PALS2: variants seen among roughly 807,000 people sequenced by gnomAD.
PALS2 encodes the protein protein PALS2.
A neutral mutation model predicts 61.6 loss-of-function variants in PALS2; 27 were observed. That is an observed-to-expected ratio of 0.44 (90% CI 0.32 to 0.60). The LOEUF is 0.60. PALS2 is among the 20% of genes least tolerant of loss of function. The pLI is 0.05. For missense variants in PALS2, 554 were observed against 639.4 expected, an observed-to-expected ratio of 0.87 and a Z score of 1.44; for synonymous variants, 236 against 218.6, an observed-to-expected ratio of 1.08 and a Z score of -0.70.
chr7:24,673,522 C>A (rs1787407704), intron 9 of PALS2, among the ~76,000 whole-genome samples: 1 of 152,046 alleles, frequency 6.6e-6, no homozygotes, highest in African/African-American at 2.4e-5. Flanking sequence ...AGCCATTTGA[C>A]CCTGGGCTTT....
At chr7:24,653,813 C>T (rs969436906) in intron 5 of PALS2, among the ~76,000 whole-genome samples, 2 of 152,144 alleles carry the variant, frequency 1.3e-5, no homozygotes, top group African/African-American at 4.8e-5. Flanking sequence ...TCTCTAGCAG[C>T]GAACACTTTG....
chr7:24,679,488 A>T (rs563401430), intron 10 of PALS2, among the ~76,000 whole-genome samples, 155 bp downstream of exon 10: 1 of 152,192 alleles, frequency 6.6e-6, no homozygotes, highest in African/African-American at 2.4e-5. Context: ...GTTATTATGT[A>T]TACATAGCTA....
chr7:24,671,986 GTTCT>G (rs1787319868), intron 9 of PALS2, among the ~76,000 whole-genome samples: 1 of 151,286 alleles, frequency 6.6e-6, no homozygotes, highest in Non-Finnish European at 1.5e-5. Context: ...AACCCAACTT[GTTCT>G]TTCTTTTTCA....
chr7:24,681,979 T>A (rs1020084535), intron 11 of PALS2, among the ~76,000 whole-genome samples: 2 of 152,238 alleles, frequency 1.3e-5, no homozygotes, highest in African/African-American at 4.8e-5. Flanking sequence ...TTGGTTTTGA[T>A]TGAATGATTT....
intron 1 of PALS2, among the ~76,000 whole-genome samples, chr7:24,582,159 A>G (rs1160989447): frequency 1.3e-5 from 2 of 152,166 alleles, no homozygotes; most frequent in African/African-American, 2.4e-5. Flanking sequence ...GCAGTTTATC[A>G]TTTTGTTTTG....
At chr7:24,644,327 T>C (rs879007728) in intron 3 of PALS2, among the ~76,000 whole-genome samples, 1 of 152,090 alleles carries the variant, frequency 6.6e-6, no homozygotes, top group South Asian at 2.1e-4. Flanking sequence ...TCTTACCATT[T>C]AGCTCCCACT....
At chr7:24,575,278 C>G (rs995570032) in intron 1 of PALS2, among the ~76,000 whole-genome samples, 1 of 152,064 alleles carries the variant, frequency 6.6e-6, no homozygotes, top group Non-Finnish European at 1.5e-5. Context: ...ATTTTGCATT[C>G]TAGGTTAAAT....
chr7:24,645,236 G>A (rs1423604838), intron 3 of PALS2, among the ~76,000 whole-genome samples: 2 of 151,912 alleles, frequency 1.3e-5, no homozygotes, highest in Non-Finnish European at 2.9e-5. Flanking sequence ...TATTGCGCAG[G>A]TTGTCTTCTG....
intron 8 of PALS2, 132 bp downstream of exon 8, chr7:24,666,221 T>C: frequency 1.4e-6 from 1 of 705,468 alleles, no homozygotes; most frequent in Admixed American, 2.5e-5. Context: ...GGCTGACATA[T>C]GAACACATGG....
intron 1 of PALS2, among the ~76,000 whole-genome samples, chr7:24,603,126 C>T (rs1326698758): frequency 1.3e-5 from 2 of 152,176 alleles, no homozygotes; most frequent in Non-Finnish European, 2.9e-5. Flanking sequence ...AGTGAGCCAG[C>T]ACCTTGATCT....
At chr7:24,649,011 G>T (rs1785998449) in intron 3 of PALS2, among the ~76,000 whole-genome samples, 1 of 151,768 alleles carries the variant, frequency 6.6e-6, no homozygotes, top group Non-Finnish European at 1.5e-5. Flanking sequence ...GTTATATTCG[G>T]GACTATTACT....
chr7:24,646,899 A>G (rs1785860201), intron 3 of PALS2, among the ~76,000 whole-genome samples: 1 of 151,872 alleles, frequency 6.6e-6, no homozygotes, highest in South Asian at 2.1e-4. Flanking sequence ...TATGTCTAGG[A>G]ATTTATCTCT....
intron 3 of PALS2, among the ~76,000 whole-genome samples, chr7:24,646,481 C>G (rs1363692177): frequency 1.3e-5 from 2 of 152,026 alleles, no homozygotes; most frequent in Non-Finnish European, 2.9e-5. Context: ...TTGAACAGAC[C>G]TTGCATTCTG....
intron 1 of PALS2, among the ~76,000 whole-genome samples, chr7:24,594,452 C>T (rs1783422984): frequency 6.6e-6 from 1 of 152,132 alleles, no homozygotes; most frequent in Non-Finnish European, 1.5e-5. Flanking sequence ...CTTTCAACTT[C>T]CCTTCCTTAT....
intron 1 of PALS2, among the ~76,000 whole-genome samples, chr7:24,611,827 T>A (rs1015869879): frequency 5.9e-5 from 9 of 151,956 alleles, no homozygotes; most frequent in Admixed American, 2.6e-4. Flanking sequence ...TTTAAAGCTG[T>A]GGGAGTGGTG....
At chr7:24,619,034 C>T (rs2128055128) in intron 1 of PALS2, among the ~76,000 whole-genome samples, 1 of 152,332 alleles carries the variant, frequency 6.6e-6, no homozygotes. Flanking sequence ...TATTTACTGA[C>T]TTACTGATTG....
intron 9 of PALS2, among the ~76,000 whole-genome samples, chr7:24,669,281 C>T (rs1295283258): frequency 6.6e-6 from 1 of 152,192 alleles, no homozygotes; most frequent in East Asian, 1.9e-4. Context: ...TCTCTATTTG[C>T]ATATTTACAT....
chr7:24,615,891 T>C (rs1012960735), intron 1 of PALS2, among the ~76,000 whole-genome samples: 1 of 152,062 alleles, frequency 6.6e-6, no homozygotes, highest in Non-Finnish European at 1.5e-5. Flanking sequence ...GATGCAGCAA[T>C]GGTTCAATAT....
chr7:24,675,353 GTTTTTTTA>G (rs1169313733), intron 9 of PALS2, among the ~76,000 whole-genome samples: 2 of 150,522 alleles, frequency 1.3e-5, no homozygotes, highest in Non-Finnish European at 3.0e-5. Context: ...TGCCTTAGAA[GTTTTTTTA>G]TTTTTTTATT....
Sources: gnomAD v4.1 joint callset for allele counts (sites outside exome capture counted in the v4.1 genomes callset) on GRCh38, gnomAD v4.1.1 for gene constraint, MANE v1.5 for transcripts, NCBI Gene and HGNC (gene_info 2026-07-23, HGNC 2026-07-21) for gene names.